LRP1B: variants seen among roughly 807,000 people sequenced by gnomAD.
The protein encoded by LRP1B is low-density lipoprotein receptor-related protein 1B.
Under a neutral mutation model 556.6 loss-of-function variants are expected in LRP1B, and 217 were observed. The observed-to-expected ratio is 0.39, with a 90% confidence interval of 0.35 to 0.44. The LOEUF (loss-of-function observed/expected upper bound fraction) is 0.44, where lower values mean the gene tolerates loss of function less well. Among genes scored for constraint, LRP1B ranks in the 20% least tolerant of loss-of-function variants. LRP1B has a pLI of 1.00. For missense variants in LRP1B, 5,053 were observed against 5,620.8 expected, an observed-to-expected ratio of 0.90 and a Z score of 3.23; for synonymous variants, 2,047 against 1,865.8, an observed-to-expected ratio of 1.10 and a Z score of -2.50.
At chr2:140,777,976 T>C (rs991487286) in intron 32 of LRP1B, among the ~76,000 whole-genome samples, 3 of 152,134 alleles carry the variant, frequency 2.0e-5, no homozygotes, top group African/African-American at 7.2e-5. Context: ...AGCATTAAAC[T>C]GTACTAGGAA....
At chr2:141,772,864 C>T (rs1694946730) in intron 2 of LRP1B, among the ~76,000 whole-genome samples, 1 of 152,156 alleles carries the variant, frequency 6.6e-6, no homozygotes, top group Admixed American at 6.5e-5. Flanking sequence ...GAAGGCTTCT[C>T]AGTTCTTTCT....
chr2:140,234,627 C>T (rs1347690786), intron 90 of LRP1B, 159 bp downstream of exon 90: 1 of 556,426 alleles, frequency 1.8e-6, no homozygotes, highest in African/African-American at 1.9e-5. Flanking sequence ...CTTGCATAGA[C>T]AGGACACATA....
chr2:140,916,698 T>A (rs983130178), intron 21 of LRP1B, among the ~76,000 whole-genome samples: 3 of 152,268 alleles, frequency 2.0e-5, no homozygotes, highest in Non-Finnish European at 2.9e-5. Context: ...AGAAAGGTAG[T>A]CAATTAAAAA....
At chr2:140,240,008 G>T (rs1390026187) in intron 87 of LRP1B, among the ~76,000 whole-genome samples, 1 of 150,826 alleles carries the variant, frequency 6.6e-6, no homozygotes, top group Non-Finnish European at 1.5e-5. Context: ...AAACAAAAGG[G>T]GTATCAGTGT....
chr2:141,784,547 G>C (rs924339556), intron 2 of LRP1B, among the ~76,000 whole-genome samples: 3 of 151,690 alleles, frequency 2.0e-5, no homozygotes, highest in African/African-American at 7.3e-5. Flanking sequence ...TGTTATCTTT[G>C]ACTGATCTTC....
intron 41 of LRP1B, among the ~76,000 whole-genome samples, chr2:140,676,069 A>G (rs1425406581): frequency 6.6e-6 from 1 of 152,196 alleles, no homozygotes; most frequent in Non-Finnish European, 1.5e-5. Flanking sequence ...TTTTGATAAG[A>G]AAACTGTATT....
chr2:141,217,803 A>G (rs1244625128), intron 6 of LRP1B, among the ~76,000 whole-genome samples: 4 of 152,176 alleles, frequency 2.6e-5, no homozygotes, highest in African/African-American at 9.7e-5. Flanking sequence ...CAACTTACAG[A>G]GTGGGAGAAG....
In LRP1B at chr2:140,493,145, C is replaced by CAT. The variant is rs1051743689; in HGVS notation, c.9035-454_9035-453dup. Reference sequence around the variant, plus strand: ...TCAGTGAAGACCAAGAGTATCACTGCATATATATATACCCTTTTACCTGCC... The same window carrying CAT: ...TCAGTGAAGACCAAGAGTATCACTGCATATATATATATACCCTTTTACCTGCC... On this transcript the variant is annotated intron_variant, in intron 56 of 90. Coordinates refer to ENST00000389484, the MANE Select transcript of LRP1B (RefSeq NM_018557.3). Among the ~76,000 whole-genome samples the CAT allele has an allele frequency of 2.6e-4, 39 of 152,098 alleles. No homozygotes were observed. In the East Asian group the frequency reaches 4.6e-3, roughly 18 times the overall value.
rs1230514865 is a variant in LRP1B at position 140,840,031 on chromosome 2, A to C, written c.5169T>G (p.Ser1723Arg). 6.2e-7 allele frequency: 1 copy of C among 1,611,160 alleles called. No homozygotes were observed. The highest frequency in any genetic ancestry group is 2.2e-5 in the East Asian group (1 of 44,816). ...GATTCTGAAACAGAATCTTGCTATT[A>C]CTGCCATCCATATTTGCCATGTTAA... is the stretch of plus-strand genomic sequence containing the variant. ...NTINMANMDGSNSKILFQNQK... is the reference protein window; with the variant it reads ...NTINMANMDGRNSKILFQNQK... The change falls in exon 31 of 91, where the codon AGT (serine) becomes AGG (arginine). Residue 1723 changes from serine (S) to arginine (R), a missense_variant. Physicochemically the swap from Ser to Arg is moderately radical, Grantham distance 110. Coordinates refer to ENST00000389484, the MANE Select transcript of LRP1B (RefSeq NM_018557.3).
intron 7 of LRP1B, among the ~76,000 whole-genome samples, chr2:141,182,821 G>C (rs914683568): frequency 4.6e-5 from 7 of 151,800 alleles, no homozygotes; most frequent in East Asian, 2.0e-4. Context: ...TTTGTTACGG[G>C]GGGGAGTTGG....
chr2:140,703,978 G>C (rs1345174678), intron 37 of LRP1B, among the ~76,000 whole-genome samples: 1 of 152,170 alleles, frequency 6.6e-6, no homozygotes, highest in Non-Finnish European at 1.5e-5. Context: ...GAGTGCATGT[G>C]TCTTTTTGGT....
intron 67 of LRP1B, among the ~76,000 whole-genome samples, chr2:140,380,937 G>A (rs999948645): frequency 6.6e-5 from 10 of 152,236 alleles, no homozygotes; most frequent in Middle Eastern, 3.4e-3. Context: ...TGAGAGATTT[G>A]CTGGGAAAAG....
chr2:141,495,483 C>G (rs928661723), intron 2 of LRP1B, among the ~76,000 whole-genome samples: 1 of 151,992 alleles, frequency 6.6e-6, no homozygotes, highest in Non-Finnish European at 1.5e-5. Flanking sequence ...TCAATCTGGC[C>G]TTAAATTCAT....
intron 41 of LRP1B, among the ~76,000 whole-genome samples, chr2:140,685,476 A>G (rs917624904): frequency 6.6e-6 from 1 of 152,202 alleles, no homozygotes; most frequent in Admixed American, 6.5e-5. Flanking sequence ...TTGCCTAAAG[A>G]CACAGCTTGT....
chr2:141,750,553 T>C (rs562132535), intron 2 of LRP1B, among the ~76,000 whole-genome samples: 1 of 152,310 alleles, frequency 6.6e-6, no homozygotes, highest in African/African-American at 2.4e-5. Flanking sequence ...ATTTTATTAC[T>C]GTATTCACAC....
intron 3 of LRP1B, among the ~76,000 whole-genome samples, chr2:141,369,945 A>T (rs1044752539): frequency 6.6e-6 from 1 of 152,164 alleles, no homozygotes; most frequent in Non-Finnish European, 1.5e-5. Context: ...CTTCAGTTCC[A>T]TTCATGTTGC....
At chr2:140,692,099 A>G (rs2105401130) in intron 41 of LRP1B, among the ~76,000 whole-genome samples, 1 of 152,244 alleles carries the variant, frequency 6.6e-6, no homozygotes, top group Non-Finnish European at 1.5e-5. Context: ...AAATTAGTAC[A>G]GGGAGTTGCC....
chr2:141,069,903 T>G (rs543695688), intron 7 of LRP1B, among the ~76,000 whole-genome samples: 2 of 151,854 alleles, frequency 1.3e-5, no homozygotes, highest in Admixed American at 1.3e-4. Flanking sequence ...GCTGTACCCA[T>G]TAACTTGTCA....
chr2:141,573,669 G>C (rs368502299), intron 2 of LRP1B, among the ~76,000 whole-genome samples: 6 of 150,898 alleles, frequency 4.0e-5, no homozygotes, highest in African/African-American at 1.5e-4. Context: ...CCAAGGGCTG[G>C]GTTTTGAAAA....
Sources: gnomAD v4.1 joint callset for allele counts (sites outside exome capture counted in the v4.1 genomes callset) on GRCh38, gnomAD v4.1.1 for gene constraint, MANE v1.5 for transcripts, NCBI Gene and HGNC (gene_info 2026-07-23, HGNC 2026-07-21) for gene names.